CDKL2: variants seen among roughly 807,000 people sequenced by gnomAD.
CDKL2 encodes the protein cyclin dependent kinase like 2, also known as cyclin-dependent kinase-like 2.
Under a neutral mutation model 63.9 loss-of-function variants are expected in CDKL2, and 64 were observed. The observed-to-expected ratio is 1.00, with a 90% CI of 0.82 to 1.23. The LOEUF is 1.23. Among genes scored for constraint, CDKL2 ranks in the 50% most tolerant of loss-of-function variants. The probability of loss-of-function intolerance (pLI) is 0.00; values close to 1 mark genes in which losing one functional copy is unlikely to be tolerated. For missense variants in CDKL2, 656 were observed against 668.0 expected (o/e 0.98, Z 0.20); for synonymous variants, 211 against 229.2 (o/e 0.92, Z 0.72).
At chr4:75,610,595 A>T (rs1027983353) in intron 3 of CDKL2, among the ~76,000 whole-genome samples, 9 of 152,298 alleles carry the variant, frequency 5.9e-5, no homozygotes, top group African/African-American at 2.2e-4. Context: ...TACAAACCTC[A>T]TAATGTTCTG....
chr4:75,596,996 CAGAA>C lies in CDKL2; in HGVS notation c.1257_1260del (p.Ser420GlnfsTer49). The C allele has an allele frequency of 1.2e-6, 2 of 1,614,164 alleles. No homozygotes were observed. The highest frequency in any genetic ancestry group is 4.5e-5 in the East Asian group (2 of 44,884). On this transcript the variant is annotated frameshift_variant, in exon 9 of 14. Coordinates refer to ENST00000307465, the MANE Select transcript of CDKL2 (RefSeq NM_001330724.2). LOFTEE classifies it high-confidence loss of function. ...CCAGAATTAATGCTGGGAGCAACTG[CAGAA>C]AGATTGTGTGTAAGTGGGGGAATTG...
chr4:75,629,800 G>T (rs566423070), intron 1 of CDKL2, among the ~76,000 whole-genome samples: 18 of 151,936 alleles, frequency 1.2e-4, no homozygotes, highest in Admixed American at 1.0e-3. Flanking sequence ...TTAGCCGGGC[G>T]TGGTGGTGAT....
intron 2 of CDKL2, among the ~76,000 whole-genome samples, chr4:75,615,488 T>C (rs1729889864): frequency 6.6e-6 from 1 of 151,786 alleles, no homozygotes; most frequent in Non-Finnish European, 1.5e-5. Context: ...CTCAAGAAAA[T>C]CCAAGTATGA....
At chr4:75,594,589 T>C (rs142405522) in intron 10 of CDKL2, among the ~76,000 whole-genome samples, 1 of 151,804 alleles carries the variant, frequency 6.6e-6, no homozygotes, top group Non-Finnish European at 1.5e-5. Flanking sequence ...ATATAGACGA[T>C]GTCAGGTAAA....
chr4:75,593,512 C>T (rs547420877), intron 10 of CDKL2, among the ~76,000 whole-genome samples: 36 of 152,062 alleles, frequency 2.4e-4, no homozygotes, highest in Middle Eastern at 6.8e-3. Flanking sequence ...ATTACCTCTT[C>T]CAAAGAAGAA....
chr4:75,584,781 C>T (rs1290066209), intron 12 of CDKL2, among the ~76,000 whole-genome samples: 2 of 152,304 alleles, frequency 1.3e-5, no homozygotes, highest in South Asian at 4.1e-4. Context: ...CAGAGCCAGA[C>T]AGCTCAAGAT....
chr4:75,583,958 C>T (rs545121080), intron 12 of CDKL2, among the ~76,000 whole-genome samples: 1 of 152,122 alleles, frequency 6.6e-6, no homozygotes, highest in Non-Finnish European at 1.5e-5. Flanking sequence ...TCAATTATCA[C>T]ATTAAATGTT....
intron 7 of CDKL2, among the ~76,000 whole-genome samples, chr4:75,598,696 T>C (rs1233089167): frequency 1.3e-5 from 2 of 152,022 alleles, no homozygotes; most frequent in African/African-American, 4.8e-5. Context: ...TTTTTTATGG[T>C]CTGTGTGACA....
Position 75,581,757 on chromosome 4 carries a change from A to C in CDKL2, c.*23+53T>G, listed in dbSNP as rs545359994. 3.8e-5 allele frequency: 39 copies of C among 1,013,996 alleles called. No individual in the cohort carries two copies. In the African/African-American group the frequency reaches 5.8e-4, roughly 15 times the overall value. The allele number at this position is 1,013,996 out of a possible 1,614,324, so 62.8% of individuals were successfully genotyped here. On this transcript the variant is annotated intron_variant, in intron 13 of 13. Transcript: ENST00000307465. Reference sequence around the variant, plus strand: ...AAAAATTGGTATTCAGCAAGCCACAAAATAGTACCTGTGAAAGGCTGCACA... The same window carrying C: ...AAAAATTGGTATTCAGCAAGCCACACAATAGTACCTGTGAAAGGCTGCACA...
intron 2 of CDKL2, among the ~76,000 whole-genome samples, chr4:75,616,941 C>G (rs1729954109): frequency 6.6e-6 from 1 of 152,110 alleles, no homozygotes; most frequent in African/African-American, 2.4e-5. Flanking sequence ...ACAACACACA[C>G]TGGGGCCTAC....
At chr4:75,605,180 G>A (rs1405215563) in intron 5 of CDKL2, among the ~76,000 whole-genome samples, 5 of 151,978 alleles carry the variant, frequency 3.3e-5, no homozygotes, top group African/African-American at 4.8e-5. Flanking sequence ...ATGGAGAAAC[G>A]CCATCTCTAC....
chr4:75,622,546 C>G (rs1009105166), intron 2 of CDKL2, among the ~76,000 whole-genome samples: 11 of 151,426 alleles, frequency 7.3e-5, no homozygotes, highest in Non-Finnish European at 1.3e-4. Context: ...TGGTGAAACC[C>G]CGTCTCTACT....
chr4:75,629,825 C>A (rs1342393463), intron 1 of CDKL2, among the ~76,000 whole-genome samples: 1 of 151,466 alleles, frequency 6.6e-6, no homozygotes, highest in Non-Finnish European at 1.5e-5. Context: ...GTAATCCCAG[C>A]TACTTGGGAG....
Position 75,614,314 on chromosome 4 carries a change from C to T in CDKL2, c.304G>A (p.Val102Ile), listed in dbSNP as rs1399109390. The T allele has an allele frequency of 4.3e-6, 7 of 1,611,104 alleles. No individual in the cohort carries two copies. The highest frequency in any genetic ancestry group is 5.1e-6 in the Non-Finnish European group (6 of 1,178,966). ...ELFPNGLDYQ[V>I]VQKYLFQIIN... ...ATCTGAAACAAATACTTTTGAACTA[C>T]TTGGTAGTCTAGTCCATTTGGAAAG... Residue 102 changes from valine (V) to isoleucine (I), a missense_variant, in exon 3 of 14, where the codon GTA becomes ATA. Transcript: ENST00000307465.
Position 75,615,798 on chromosome 4 carries a change from G to A in CDKL2, c.169-1349C>T, listed in dbSNP as rs188562333. 7.2e-5 allele frequency among the ~76,000 whole-genome samples: 11 copies of A among 152,000 alleles called. No homozygotes were observed. The East Asian group carries it at 2.1e-3, about 30-fold the overall frequency. On this transcript the variant is annotated intron_variant, in intron 2 of 13. Transcript: ENST00000307465. Reference sequence around the variant, plus strand: ...ACTTGAGGCCAGGAATTTGAGACCAGCCTGGGCATGGTGAGACCCCATCTC... The same window carrying A: ...ACTTGAGGCCAGGAATTTGAGACCAACCTGGGCATGGTGAGACCCCATCTC...
rs1319786264 is a variant in CDKL2, at chr4:75,630,148, A to G, written c.-136T>C. 1.3e-5 allele frequency: 2 copies of G among 152,610 alleles called. No individual in the cohort carries two copies. Among genetic ancestry groups the G allele is most frequent in the Admixed American group, 1.3e-4 (2 of 15,282 alleles). The allele number at this position is 152,610 out of a possible 1,614,324, so 9.5% of individuals were successfully genotyped here. A position where few individuals can be genotyped will look rare whatever the true frequency, so the allele number is the denominator to read the frequency against. On this transcript the variant is annotated 5_prime_UTR_variant, in exon 1 of 14. Transcript: ENST00000307465. Reference sequence around the variant, plus strand: ...CAGGTCCAAAAGATGCTGCCTAGCAAACTAGCAATTCCAGCGCTGTTGTGA... The same window carrying G: ...CAGGTCCAAAAGATGCTGCCTAGCAGACTAGCAATTCCAGCGCTGTTGTGA...
rs1019332915 is a variant in CDKL2, at chr4:75,621,696, G to A, written c.168+4125C>T. ...GACTATAGGCCCACGCTATCGCACC[G>A]AGCTTGAAATAGTATTTTAAACACA... On this transcript the variant is annotated intron_variant, in intron 2 of 13. Transcript: ENST00000307465. 5.9e-5 allele frequency among the ~76,000 whole-genome samples: 9 copies of A among 151,992 alleles called. 1 individual carries two copies. Among genetic ancestry groups the A allele is most frequent in the South Asian group, 4.1e-4 (2 of 4,820 alleles).
In CDKL2 at chr4:75,607,257, C is replaced by T; in HGVS notation, c.468G>A (p.Glu156=). 1 of 1,614,042 alleles carries T rather than the reference C, an allele frequency of 6.2e-7. No individual in the cohort carries two copies. The highest frequency in any genetic ancestry group is 8.5e-7 in the Non-Finnish European group (1 of 1,179,956). Residue 156 remains glutamate (E), a synonymous_variant, in exon 4 of 14, where the codon GAG becomes GAA. Transcript: ENST00000307465. Reference sequence around the variant, plus strand: ...GGGTTGCCACATAATCAGTATAAACCTCCCCAGGAGCTGCCAATGTTCGCG... The same window carrying T: ...GGGTTGCCACATAATCAGTATAAACTTCCCCAGGAGCTGCCAATGTTCGCG... ...GFARTLAAPG[E]VYTDYVATRW...
chr4:75,597,125 G>A lies in CDKL2; in HGVS notation c.1132C>T (p.Leu378Phe), dbSNP rs745547858. 1 of 1,614,118 alleles carries A rather than the reference G, an allele frequency of 6.2e-7. No individual in the cohort carries two copies. The highest frequency in any genetic ancestry group is 1.7e-5 in the Admixed American group (1 of 60,006). Reference protein sequence around the residue: ...KGNRASNASCLHDSRTSHNKI... With the variant: ...KGNRASNASCFHDSRTSHNKI... Reference sequence around the variant, plus strand: ...TTGTGGCTTGTCCTACTGTCATGGAGACAGCTGGCATTTGAAGCTCTATTG... The same window carrying A: ...TTGTGGCTTGTCCTACTGTCATGGAAACAGCTGGCATTTGAAGCTCTATTG... Residue 378 changes from leucine (L) to phenylalanine (F), a missense_variant, in exon 9 of 14, where the codon CTC (leucine) becomes TTC (phenylalanine). Coordinates refer to ENST00000307465, the MANE Select transcript of CDKL2 (RefSeq NM_001330724.2).
Sources: gnomAD v4.1 joint callset for allele counts (sites outside exome capture counted in the v4.1 genomes callset) on GRCh38, gnomAD v4.1.1 for gene constraint, MANE v1.5 for transcripts, NCBI Gene and HGNC (gene_info 2026-07-23, HGNC 2026-07-21) for gene names.